Variants in SFMBT1 observed in about 807,000 individuals in gnomAD.
The protein encoded by SFMBT1 is scm-like with four MBT domains protein 1.
A neutral mutation model predicts 108.7 loss-of-function variants in SFMBT1; 32 were observed. The observed-to-expected ratio is 0.29, with a 90% CI of 0.22 to 0.40. SFMBT1 has a LOEUF of 0.40. SFMBT1 is among the 10% of genes least tolerant of loss of function. The probability of loss-of-function intolerance (pLI) is 1.00; values close to 1 mark genes in which losing one functional copy is unlikely to be tolerated. For synonymous variants in SFMBT1, 348 were observed against 369.5 expected (o/e 0.94, Z 0.67); for missense variants, 816 against 1,059.6 (o/e 0.77, Z 3.19).
intron 1 of SFMBT1, among the ~76,000 whole-genome samples, chr3:53,043,559 T>C (rs1364331063): frequency 1.3e-5 from 2 of 152,230 alleles, no homozygotes; most frequent in African/African-American, 4.8e-5. Flanking sequence ...CTCTAACTTG[T>C]TAGGAAAATT....
intron 5 of SFMBT1, 111 bp downstream of exon 5, chr3:52,934,702 T>A: frequency 1.2e-6 from 1 of 861,188 alleles, no homozygotes; most frequent in Non-Finnish European, 1.8e-6. Context: ...TGCCTATGTC[T>A]CTAATAATAA....
At position 52,960,177 on chromosome 3, in the gene SFMBT1, AG is replaced by A. The variant is rs539929189; in HGVS notation, c.29-5767del. Among the ~76,000 whole-genome samples, 847 of 152,112 alleles carry A rather than the reference AG, an allele frequency of 5.6e-3. 10 individuals are homozygous for A. Among genetic ancestry groups the A allele is most frequent in the Non-Finnish European group, 9.0e-3 (611 of 67,998 alleles). ...AAGGCAAGTGCAGAATGAAAAGCACAGCTAGGTTTCAAAACAAAACTTTGCA... is the reference window on the plus strand; with the variant it reads ...AAGGCAAGTGCAGAATGAAAAGCACACTAGGTTTCAAAACAAAACTTTGCA... On this transcript the variant is annotated intron_variant, in intron 2 of 20. Transcript: ENST00000394752.
Position 52,904,368 on chromosome 3 carries a change from G to A in SFMBT1, c.*768C>T, listed in dbSNP as rs1702016035. On this transcript the variant is annotated 3_prime_UTR_variant, in exon 21 of 21. Transcript: ENST00000394752. The stretch of plus-strand genomic sequence containing the variant: ...AGTAACAGTAGAGTTCTCAGATCAG[G>A]TCAGTTAAGGAACTGGTGTAAGTGC... 1 of 152,160 alleles carries A rather than the reference G, an allele frequency of 6.6e-6. No homozygotes were observed. Among genetic ancestry groups the A allele is most frequent in the Admixed American group, 6.5e-5 (1 of 15,274 alleles). The allele number at this position is 152,160 out of a possible 1,614,324, so 9.4% of individuals were successfully genotyped here. A position where few individuals can be genotyped will look rare whatever the true frequency, so the allele number is the denominator to read the frequency against.
intron 1 of SFMBT1, among the ~76,000 whole-genome samples, chr3:53,000,474 G>A (rs1462047547): frequency 6.7e-6 from 1 of 149,808 alleles, no homozygotes. Context: ...CTTATTCTTA[G>A]AGATGTACAT....
At chr3:52,984,869 C>A (rs1337985011) in intron 1 of SFMBT1, among the ~76,000 whole-genome samples, 1 of 151,846 alleles carries the variant, frequency 6.6e-6, no homozygotes, top group Non-Finnish European at 1.5e-5. Context: ...ATGACCACTT[C>A]GCAGCCCGGC....
intron 10 of SFMBT1, among the ~76,000 whole-genome samples, chr3:52,923,921 G>C (rs1322811318): frequency 1.3e-5 from 2 of 152,050 alleles, no homozygotes; most frequent in South Asian, 2.1e-4. Flanking sequence ...AAACAGGCTC[G>C]CATCAAGGTT....
Position 52,905,172 on chromosome 3 carries a change from C to T in SFMBT1, c.2565G>A (p.Arg855=), listed in dbSNP as rs1428356076. ...PAIKLCHHIE[R]IKFAFYEQFA... ...ACTGCTCATAAAAAGCAAACTTGAT[C>T]CTCTCTATGTGATGGCAAAGTTTGA... The change falls in exon 21 of 21, where the codon AGG becomes AGA. Residue 855 remains arginine, a synonymous_variant. Transcript: ENST00000394752. 6.2e-7 allele frequency: 1 copy of T among 1,613,830 alleles called. No homozygotes were observed. The highest frequency in any genetic ancestry group is 8.5e-7 in the Non-Finnish European group (1 of 1,179,932).
intron 20 of SFMBT1, 71 bp downstream of exon 20, chr3:52,906,042 A>G: frequency 2.6e-6 from 4 of 1,517,830 alleles, no homozygotes; most frequent in Non-Finnish European, 3.6e-6. Flanking sequence ...TTGTAAATAA[A>G]TTGTTGACTA....
rs115534809 is a variant in SFMBT1 at position 53,034,590 on chromosome 3, T to A, written c.-131+11226A>T. ...AGTCTGTTTCAAAAAATAAATAAAT[T>A]AATTAATTAAAAATAAATTTAAAAA... On this transcript the variant is annotated intron_variant, in intron 1 of 20. Coordinates refer to ENST00000394752, the MANE Select transcript of SFMBT1 (RefSeq NM_016329.4). 4.8e-3 allele frequency among the ~76,000 whole-genome samples: 731 copies of A among 151,268 alleles called. 8 individuals are homozygous for A. The highest frequency in any genetic ancestry group is 0.017 in the African/African-American group (694 of 41,190).
chr3:52,906,056 C>T (rs773320613), intron 20 of SFMBT1, 57 bp downstream of exon 20: 117 of 1,566,710 alleles, frequency 7.5e-5, no homozygotes, highest in Non-Finnish European at 9.8e-5. Context: ...TTGACTATTA[C>T]ATCCATAATT....
chr3:52,944,593 T>A (rs944955216), intron 3 of SFMBT1, among the ~76,000 whole-genome samples: 1 of 152,110 alleles, frequency 6.6e-6, no homozygotes, highest in Non-Finnish European at 1.5e-5. Context: ...GATCTCGGCT[T>A]ACCGCAACCT....
intron 15 of SFMBT1, 136 bp from the exon 16 acceptor site, chr3:52,912,783 C>G: frequency 1.5e-6 from 1 of 666,702 alleles, no homozygotes; most frequent in Non-Finnish European, 2.6e-6. Flanking sequence ...CAAATGTTAA[C>G]AAAATAATAG....
At chr3:52,986,477 AT>A (rs1704919284) in intron 1 of SFMBT1, among the ~76,000 whole-genome samples, 3 of 152,088 alleles carry the variant, frequency 2.0e-5, no homozygotes, top group Admixed American at 2.0e-4. Context: ...GTACAAAAAT[AT>A]TTTTTTGGTC....
chr3:52,949,831 G>C (rs950635751), intron 3 of SFMBT1, among the ~76,000 whole-genome samples: 2 of 151,896 alleles, frequency 1.3e-5, no homozygotes, highest in South Asian at 4.2e-4. Context: ...CACTCATCTC[G>C]GCCTCCCAAA....
At position 52,969,220 on chromosome 3, in the gene SFMBT1, C is replaced by T. The variant is rs1019046315; in HGVS notation, c.-92G>A. The T allele has an allele frequency of 6.3e-6, 10 of 1,589,550 alleles. No homozygotes were observed. The East Asian group carries it at 6.7e-5, about 11-fold the overall frequency. ...CTGAAGATTACTTGCAGGTTTCAAG[C>T]ATCTGTTCAATGGGTATCCACGGGT... is the stretch of plus-strand genomic sequence containing the variant. On this transcript the variant is annotated 5_prime_UTR_variant, in exon 2 of 21. An upstream start codon of the reference 5' UTR is lost. Transcript: ENST00000394752.
rs1016676327 is a variant in SFMBT1, at chr3:53,038,127, T to C, written c.-131+7689A>G. On this transcript the variant is annotated intron_variant, in intron 1 of 20. Coordinates refer to ENST00000394752, the MANE Select transcript of SFMBT1 (RefSeq NM_016329.4). ...CTCAAAAAAAAAATGTTTTAAAAAATTAGCCAGGTGCTGGGGCATGCACCT... is the reference window on the plus strand; with the variant it reads ...CTCAAAAAAAAAATGTTTTAAAAAACTAGCCAGGTGCTGGGGCATGCACCT... 7.9e-5 allele frequency among the ~76,000 whole-genome samples: 12 copies of C among 151,988 alleles called. No individual in the cohort carries two copies. The South Asian group carries it at 1.2e-3, about 16-fold the overall frequency.
intron 1 of SFMBT1, among the ~76,000 whole-genome samples, chr3:52,978,133 G>C (rs1446819640): frequency 6.6e-6 from 1 of 152,120 alleles, no homozygotes; most frequent in Non-Finnish European, 1.5e-5. Context: ...ATAGAGCTGG[G>C]GAGGAATGAC....
chr3:53,017,678 C>T (rs933160179), intron 1 of SFMBT1, among the ~76,000 whole-genome samples: 2 of 152,158 alleles, frequency 1.3e-5, no homozygotes, highest in African/African-American at 2.4e-5. Context: ...AACAACCCCA[C>T]GAAATAAAGC....
chr3:52,910,867 A>G (rs1702197563), intron 17 of SFMBT1, 136 bp downstream of exon 17: 2 of 682,890 alleles, frequency 2.9e-6, no homozygotes, highest in Admixed American at 5.5e-5. Context: ...ACAACATGAA[A>G]TATTTATCAT....
Sources: gnomAD v4.1 joint callset for allele counts (sites outside exome capture counted in the v4.1 genomes callset) on GRCh38, gnomAD v4.1.1 for gene constraint, MANE v1.5 for transcripts, NCBI Gene and HGNC (gene_info 2026-07-23, HGNC 2026-07-21) for gene names.